Variants in NKAIN3 observed in about 807,000 individuals in gnomAD.
NKAIN3 encodes sodium/potassium-transporting ATPase subunit beta-1-interacting protein 3.
In NKAIN3, 25 loss-of-function variants were observed where a neutral mutation model predicts 30.2. That is an observed-to-expected ratio of 0.83 (90% CI 0.60 to 1.16). The LOEUF (loss-of-function observed/expected upper bound fraction) is 1.16, where lower values mean the gene tolerates loss of function less well. NKAIN3 is among the 50% of genes most tolerant of loss of function. NKAIN3 has a pLI of 0.00. For synonymous variants in NKAIN3, 91 were observed against 89.6 expected (o/e 1.02, Z -0.09); for missense variants, 225 against 254.1 (o/e 0.89, Z 0.78).
intron 3 of NKAIN3, among the ~76,000 whole-genome samples, chr8:62,716,009 C>T (rs1021974416): frequency 6.6e-6 from 1 of 152,166 alleles, no homozygotes; most frequent in Non-Finnish European, 1.5e-5. Flanking sequence ...GCAAGTTTGC[C>T]TTCCATCCCT....
chr8:62,733,281 A>T (rs1815539460), intron 3 of NKAIN3, among the ~76,000 whole-genome samples: 1 of 152,086 alleles, frequency 6.6e-6, no homozygotes, highest in African/African-American at 2.4e-5. Context: ...TCTCATATGA[A>T]TAATATTTAT....
chr8:62,838,090 G>C (rs974005145), intron 4 of NKAIN3, among the ~76,000 whole-genome samples: 1 of 143,322 alleles, frequency 7.0e-6, no homozygotes, highest in Non-Finnish European at 1.5e-5. Flanking sequence ...GTGTGCAAAG[G>C]TGTGTGTGTG....
chr8:62,915,700 C>T (rs1822076488), intron 4 of NKAIN3, among the ~76,000 whole-genome samples: 1 of 152,128 alleles, frequency 6.6e-6, no homozygotes, highest in Non-Finnish European at 1.5e-5. Flanking sequence ...CCACCAAGAA[C>T]TAGAAAGTTG....
At chr8:62,593,175 G>GCA (rs1487821197) in intron 3 of NKAIN3, among the ~76,000 whole-genome samples, 1 of 151,856 alleles carries the variant, frequency 6.6e-6, no homozygotes, top group East Asian at 1.9e-4. Flanking sequence ...GACCAAGATG[G>GCA]CATTCTGGGC....
chr8:62,404,132 G>T (rs1393288265), intron 1 of NKAIN3, among the ~76,000 whole-genome samples: 3 of 152,214 alleles, frequency 2.0e-5, no homozygotes, highest in Non-Finnish European at 4.4e-5. Flanking sequence ...TTTAGAATAG[G>T]TGTATTTACC....
chr8:62,868,182 A>G (rs748042271), intron 4 of NKAIN3, among the ~76,000 whole-genome samples: 4 of 152,202 alleles, frequency 2.6e-5, no homozygotes, highest in African/African-American at 4.8e-5. Context: ...CCAGAATAAG[A>G]AGTCAAATTA....
chr8:62,857,115 G>T (rs117205857), intron 4 of NKAIN3: 2 of 400,682 alleles, frequency 5.0e-6, no homozygotes, highest in Admixed American at 6.8e-5. Context: ...GTGTAGGGAA[G>T]TGACCAACTT....
At chr8:62,323,617 A>T (rs1585680139) in intron 1 of NKAIN3, among the ~76,000 whole-genome samples, 1 of 152,000 alleles carries the variant, frequency 6.6e-6, no homozygotes, top group Non-Finnish European at 1.5e-5. Flanking sequence ...ATTATCAGGG[A>T]TATGTGCATG....
intron 1 of NKAIN3, among the ~76,000 whole-genome samples, chr8:62,471,485 C>A (rs961482229): frequency 1.3e-5 from 2 of 152,110 alleles, no homozygotes; most frequent in African/African-American, 2.4e-5. Flanking sequence ...AAAGAAAAAT[C>A]TTGTGTGTAC....
chr8:62,639,034 A>G (rs1055976064), intron 3 of NKAIN3, among the ~76,000 whole-genome samples: 1 of 152,174 alleles, frequency 6.6e-6, no homozygotes, highest in Non-Finnish European at 1.5e-5. Context: ...CACTCTTCTT[A>G]CATCTCAAAA....
intron 3 of NKAIN3, among the ~76,000 whole-genome samples, chr8:62,635,822 G>A (rs537160096): frequency 2.0e-5 from 3 of 152,084 alleles, no homozygotes; most frequent in Admixed American, 6.5e-5. Flanking sequence ...TGTTATAGCA[G>A]CCTAAATGGA....
intron 1 of NKAIN3, among the ~76,000 whole-genome samples, chr8:62,347,632 A>T (rs1816043563): frequency 6.6e-6 from 1 of 152,150 alleles, no homozygotes; most frequent in African/African-American, 2.4e-5. Flanking sequence ...AACAAGGATT[A>T]AAAAATATGA....
intron 1 of NKAIN3, among the ~76,000 whole-genome samples, chr8:62,382,626 T>G (rs1359422220): frequency 6.6e-6 from 1 of 152,172 alleles, no homozygotes; most frequent in East Asian, 1.9e-4. Flanking sequence ...ATTTAATTAT[T>G]GGAACCCTTC....
intron 1 of NKAIN3, among the ~76,000 whole-genome samples, chr8:62,259,501 T>G (rs2129389055): frequency 6.6e-6 from 1 of 152,314 alleles, no homozygotes; most frequent in East Asian, 1.9e-4. Flanking sequence ...AATATTAGAC[T>G]AAAATACTTC....
At chr8:62,791,334 A>ACCACAT (rs1817695960) in intron 4 of NKAIN3, among the ~76,000 whole-genome samples, 1 of 152,138 alleles carries the variant, frequency 6.6e-6, no homozygotes, top group African/African-American at 2.4e-5. Flanking sequence ...CAATGATGAC[A>ACCACAT]CCACATTTTC....
chr8:62,599,351 TA>T (rs1323657027), intron 3 of NKAIN3, among the ~76,000 whole-genome samples: 1 of 152,018 alleles, frequency 6.6e-6, no homozygotes, highest in Non-Finnish European at 1.5e-5. Flanking sequence ...GGTAGGTAAC[TA>T]AAAGTGTCTG....
At position 62,765,264 on chromosome 8, in the gene NKAIN3, AAAGAAAAG is replaced by A. The variant is rs1439798008; in HGVS notation, c.471+18138_471+18145del. ...TCCATCTCAAAAAAAAAAAAAAAAAAAAGAAAAGAAAAGAAAAGAAAAGAAATTATGTC... is the reference window on the plus strand; with the variant it reads ...TCCATCTCAAAAAAAAAAAAAAAAAAAAAAGAAAAGAAAAGAAATTATGTC... On this transcript the variant is annotated intron_variant, in intron 4 of 6. Coordinates refer to ENST00000623646, the MANE Select transcript of NKAIN3 (RefSeq NM_001304533.3). Among the ~76,000 whole-genome samples the A allele has an allele frequency of 1.8e-3, 197 of 109,894 alleles. 1 individual carries two copies. The highest frequency in any genetic ancestry group is 0.015 in the Admixed American group (124 of 8,336). 72.1% of individuals were successfully genotyped at this position (109,894 alleles called of 152,430 possible). A position where few individuals can be genotyped will look rare whatever the true frequency, so the allele number is the denominator to read the frequency against.
At chr8:62,540,432 A>G (rs1333711056) in intron 1 of NKAIN3, among the ~76,000 whole-genome samples, 1 of 152,198 alleles carries the variant, frequency 6.6e-6, no homozygotes, top group Non-Finnish European at 1.5e-5. Context: ...AGAACTATTC[A>G]TAAGTGAGCC....
At chr8:62,631,918 G>A (rs953337544) in intron 3 of NKAIN3, among the ~76,000 whole-genome samples, 2 of 152,176 alleles carry the variant, frequency 1.3e-5, no homozygotes, top group African/African-American at 4.8e-5. Context: ...TCTTATCGAT[G>A]CTTTAATCAT....
Sources: gnomAD v4.1 joint callset for allele counts (sites outside exome capture counted in the v4.1 genomes callset) on GRCh38, gnomAD v4.1.1 for gene constraint, MANE v1.5 for transcripts, NCBI Gene and HGNC (gene_info 2026-07-23, HGNC 2026-07-21) for gene names.